Variants in PCDH15 observed in about 807,000 individuals in gnomAD.
PCDH15 encodes protocadherin-15.
A neutral mutation model predicts 178.5 loss-of-function variants in PCDH15; 129 were observed. The observed-to-expected ratio is 0.72, with a 90% CI of 0.63 to 0.84. The LOEUF is 0.84. PCDH15 is among the 40% of genes least tolerant of loss of function. The pLI, the probability that PCDH15 is intolerant of heterozygous loss-of-function variation, is 0.00. For missense variants in PCDH15, 2,230 were observed against 2,099.9 expected (o/e 1.06, Z -1.21); for synonymous variants, 800 against 732.0 (o/e 1.09, Z -1.50).
chr10:54,237,007 T>C (rs1472435557), intron 8 of PCDH15, 76 bp from the exon 9 acceptor site: 16 of 1,205,308 alleles, frequency 1.3e-5, no homozygotes, highest in Non-Finnish European at 1.9e-5. Flanking sequence ...GATGCTTTAG[T>C]TTGGAAATCT....
intron 2 of PCDH15, among the ~76,000 whole-genome samples, chr10:55,510,520 G>T (rs143892311): frequency 6.6e-6 from 1 of 151,944 alleles, no homozygotes; most frequent in Admixed American, 6.6e-5. Context: ...TCAATAACTT[G>T]TGTCCTAATC....
At chr10:54,575,777 A>T (rs1426171830) in intron 2 of PCDH15, among the ~76,000 whole-genome samples, 1 of 152,198 alleles carries the variant, frequency 6.6e-6, no homozygotes, top group Non-Finnish European at 1.5e-5. Context: ...AGAGTTGTAA[A>T]TTAGTTCTCA....
At chr10:54,136,767 A>C (rs1763284995) in intron 14 of PCDH15, among the ~76,000 whole-genome samples, 1 of 152,182 alleles carries the variant, frequency 6.6e-6, no homozygotes, top group Non-Finnish European at 1.5e-5. Flanking sequence ...CACAGAGACA[A>C]ATTTTAGCCC....
intron 34 of PCDH15, among the ~76,000 whole-genome samples, chr10:53,817,705 C>T (rs1412188487): frequency 1.3e-5 from 2 of 151,358 alleles, no homozygotes; most frequent in Non-Finnish European, 2.9e-5. Flanking sequence ...TAGCCTTAGA[C>T]AAATAAATTT....
chr10:53,822,556 T>A, intron 32 of PCDH15: 1 of 1,613,730 alleles, frequency 6.2e-7, no homozygotes, highest in Non-Finnish European at 8.5e-7. Flanking sequence ...TCGGTTTCAA[T>A]AGGTAACATA....
chr10:55,213,352 T>C (rs1298317998), intron 1 of PCDH15, among the ~76,000 whole-genome samples: 1 of 152,118 alleles, frequency 6.6e-6, no homozygotes, highest in East Asian at 1.9e-4. Flanking sequence ...TTGCAGTTTA[T>C]GGAAGAAGCT....
At chr10:54,438,698 G>T (rs183589534) in intron 3 of PCDH15, among the ~76,000 whole-genome samples, 1 of 152,158 alleles carries the variant, frequency 6.6e-6, no homozygotes, top group African/African-American at 2.4e-5. Context: ...CATCATGTAT[G>T]GTTCCATTGC....
At chr10:54,742,634 A>T (rs901464103) in intron 1 of PCDH15, among the ~76,000 whole-genome samples, 2 of 151,996 alleles carry the variant, frequency 1.3e-5, no homozygotes, top group African/African-American at 4.8e-5. Context: ...GAGTAAGGCT[A>T]TAAGGATTGT....
intron 6 of PCDH15, among the ~76,000 whole-genome samples, chr10:54,330,070 T>G (rs987910350): frequency 6.6e-6 from 1 of 151,898 alleles, no homozygotes; most frequent in Non-Finnish European, 1.5e-5. Context: ...ACCAAAGCAT[T>G]CAAACACTGA....
At chr10:54,220,974 CTT>C (rs2052742133) in intron 9 of PCDH15, among the ~76,000 whole-genome samples, 2 of 152,012 alleles carry the variant, frequency 1.3e-5, no homozygotes, top group East Asian at 1.9e-4. Flanking sequence ...ACTAAGAACA[CTT>C]AATGTTTGTG....
chr10:54,655,300 GAGAC>G lies in PCDH15; in HGVS notation c.91+8868_91+8871del, dbSNP rs1555126842. 4.5e-3 allele frequency among the ~76,000 whole-genome samples: 499 copies of G among 111,032 alleles called. 5 individuals carry two copies. The highest frequency in any genetic ancestry group is 0.01 in the Admixed American group (112 of 11,100). 72.8% of individuals were successfully genotyped at this position (111,032 alleles called of 152,430 possible). A position where few individuals can be genotyped will look rare whatever the true frequency, so the allele number is the denominator to read the frequency against. On this transcript the variant is annotated intron_variant, in intron 2 of 37. Coordinates refer to ENST00000644397, the MANE Select transcript of PCDH15 (RefSeq NM_001384140.1). ...AGAGAGAGAGAGAGAGAGAGAGAGA[GAGAC>G]AGAGAGAGAGACAGAGAAAGAGAGA...
At chr10:54,042,681 T>C (rs1321081196) in intron 18 of PCDH15, among the ~76,000 whole-genome samples, 1 of 152,026 alleles carries the variant, frequency 6.6e-6, no homozygotes, top group Non-Finnish European at 1.5e-5. Context: ...CCAAGTCATG[T>C]GGAGATATGA....
At chr10:54,361,773 T>G (rs1318081238) in intron 5 of PCDH15, among the ~76,000 whole-genome samples, 2 of 152,100 alleles carry the variant, frequency 1.3e-5, no homozygotes, top group Non-Finnish European at 2.9e-5. Context: ...GGTCTTACAC[T>G]CTACACTTTC....
intron 1 of PCDH15, among the ~76,000 whole-genome samples, chr10:55,191,482 G>C (rs530889031): frequency 1.3e-5 from 2 of 151,858 alleles, no homozygotes; most frequent in South Asian, 4.1e-4. Context: ...AGGAATGCAA[G>C]ATTAGGAAAC....
intron 3 of PCDH15, among the ~76,000 whole-genome samples, chr10:54,449,489 T>C (rs1183027786): frequency 6.6e-6 from 1 of 151,710 alleles, no homozygotes; most frequent in Non-Finnish European, 1.5e-5. Flanking sequence ...CAACTTTGGA[T>C]AGGAAATATT....
intron 1 of PCDH15, among the ~76,000 whole-genome samples, chr10:55,212,489 A>G (rs988777607): frequency 5.3e-5 from 8 of 151,952 alleles, no homozygotes; most frequent in Non-Finnish European, 1.2e-4. Flanking sequence ...GGGACAACGA[A>G]CCTTGGGTGA....
At chr10:54,850,027 T>G (rs1299366205) in intron 3 of PCDH15, among the ~76,000 whole-genome samples, 1 of 152,146 alleles carries the variant, frequency 6.6e-6, no homozygotes, top group Non-Finnish European at 1.5e-5. Flanking sequence ...ACAGAGATTC[T>G]GAGACAATTG....
intron 1 of PCDH15, among the ~76,000 whole-genome samples, chr10:54,727,670 A>T (rs752548896): frequency 5.3e-5 from 8 of 151,356 alleles, no homozygotes; most frequent in Non-Finnish European, 8.9e-5. Context: ...TCTTTGAAAC[A>T]ATAAGATTAA....
At chr10:54,477,345 C>A (rs2078344908) in intron 3 of PCDH15, among the ~76,000 whole-genome samples, 1 of 152,124 alleles carries the variant, frequency 6.6e-6, no homozygotes, top group African/African-American at 2.4e-5. Context: ...CTCAGGAAGC[C>A]CTCCTGGATC....
Sources: allele counts gnomAD v4.1 joint callset (sites outside exome capture counted in the v4.1 genomes callset), GRCh38; gene constraint gnomAD v4.1.1; transcripts MANE v1.5; gene names NCBI Gene and HGNC (gene_info 2026-07-23, HGNC 2026-07-21).